The following CNTNAP2 variants were observed in gnomAD, a reference collection of about 807,000 sequenced individuals.
CNTNAP2 encodes the protein contactin associated protein 2.
In CNTNAP2, 98 loss-of-function variants were observed where a neutral mutation model predicts 155.2. That is an observed-to-expected ratio of 0.63 (90% CI 0.54 to 0.75). The LOEUF (loss-of-function observed/expected upper bound fraction) is 0.75. Ranked by LOEUF, CNTNAP2 falls within the 30% of genes least tolerant of loss-of-function variation. The pLI is 0.00. For missense variants in CNTNAP2, 1,727 were observed against 1,688.1 expected, an observed-to-expected ratio of 1.02 and a Z score of -0.40; for synonymous variants, 651 against 631.2, an observed-to-expected ratio of 1.03 and a Z score of -0.47.
chr7:148,072,320 C>A (rs1048238083), intron 15 of CNTNAP2, among the ~76,000 whole-genome samples: 5 of 152,076 alleles, frequency 3.3e-5, no homozygotes, highest in African/African-American at 1.2e-4. Context: ...TGTAAAGGAC[C>A]AGATAGTATT....
At chr7:146,893,905 G>A (rs1795826440) in intron 3 of CNTNAP2, among the ~76,000 whole-genome samples, 1 of 152,192 alleles carries the variant, frequency 6.6e-6, no homozygotes, top group Admixed American at 6.5e-5. Flanking sequence ...TGCCTCTTGT[G>A]GAAGATGGGT....
chr7:148,273,242 G>A (rs1796814564), intron 21 of CNTNAP2, among the ~76,000 whole-genome samples: 1 of 152,188 alleles, frequency 6.6e-6, no homozygotes, highest in South Asian at 2.1e-4. Flanking sequence ...AAGATTTGTG[G>A]TGGGAGTAAT....
chr7:146,738,935 T>C (rs755219922), intron 1 of CNTNAP2, among the ~76,000 whole-genome samples: 2 of 151,860 alleles, frequency 1.3e-5, no homozygotes, highest in Non-Finnish European at 2.9e-5. Flanking sequence ...GTGTATAATT[T>C]TTCATAATAG....
chr7:147,440,230 TTG>T (rs1313034566), intron 10 of CNTNAP2, among the ~76,000 whole-genome samples: 2 of 152,080 alleles, frequency 1.3e-5, no homozygotes, highest in Admixed American at 6.5e-5. Flanking sequence ...TGTGTATCTG[TTG>T]TGTGTTTTTT....
rs917898023 is a variant in CNTNAP2 at position 147,395,051 on chromosome 7, T to G, written c.1499-558T>G. 9.2e-5 allele frequency among the ~76,000 whole-genome samples: 14 copies of G among 151,962 alleles called. No individual in the cohort carries two copies. The East Asian group carries it at 2.7e-3, about 29-fold the overall frequency. ...TTTGCTTCTAATGTTCCCTTAGATT[T>G]TATAAATTAAAAAAAGGCATCTATA... On this transcript the variant is annotated intron_variant, in intron 9 of 23. Transcript: ENST00000361727.
At chr7:147,961,933 C>T (rs947562172) in intron 14 of CNTNAP2, among the ~76,000 whole-genome samples, 1 of 151,718 alleles carries the variant, frequency 6.6e-6, no homozygotes, top group Non-Finnish European at 1.5e-5. Context: ...GATTGCAATA[C>T]TAGGAAAGAA....
At chr7:146,277,896 G>C (rs556183422) in intron 1 of CNTNAP2, among the ~76,000 whole-genome samples, 1 of 151,996 alleles carries the variant, frequency 6.6e-6, no homozygotes, top group Non-Finnish European at 1.5e-5. Context: ...TGACTAATAA[G>C]AGATGAAAGG....
chr7:148,306,557 T>C (rs1026047762), intron 21 of CNTNAP2, among the ~76,000 whole-genome samples: 1 of 152,202 alleles, frequency 6.6e-6, no homozygotes, highest in Non-Finnish European at 1.5e-5. Context: ...TAAACTCTCA[T>C]TGAGTTTTTC....
chr7:146,601,960 A>G (rs1045741683), intron 1 of CNTNAP2, among the ~76,000 whole-genome samples: 1 of 152,168 alleles, frequency 6.6e-6, no homozygotes, highest in Non-Finnish European at 1.5e-5. Flanking sequence ...AAAAAAATAA[A>G]TAAATAAAGA....
At position 147,001,528 on chromosome 7, in the gene CNTNAP2, A is replaced by T. The variant is rs775705556; in HGVS notation, c.403-42379A>T. Among the ~76,000 whole-genome samples, 22 of 152,090 alleles carry T rather than the reference A, an allele frequency of 1.4e-4. 1 individual carries two copies. Among genetic ancestry groups the T allele is most frequent in the Non-Finnish European group, 3.2e-4 (22 of 67,990 alleles). On this transcript the variant is annotated intron_variant, in intron 3 of 23. Transcript: ENST00000361727. Reference sequence around the variant, plus strand: ...CATAATTGTGGCTTACCTATAAAGAAGGCTTGGTGCTGGGCATTTTCTTCT... The same window carrying T: ...CATAATTGTGGCTTACCTATAAAGATGGCTTGGTGCTGGGCATTTTCTTCT...
At chr7:148,168,005 GC>G (rs1405434206) in intron 17 of CNTNAP2, among the ~76,000 whole-genome samples, 6 of 152,158 alleles carry the variant, frequency 3.9e-5, no homozygotes, top group African/African-American at 1.4e-4. Flanking sequence ...TATTTGCTCT[GC>G]CAATTGACCC....
In CNTNAP2 at chr7:147,366,781, GCACACACACA is replaced by G. The variant is rs71182194; in HGVS notation, c.1499-28806_1499-28797del. 5.2e-3 allele frequency among the ~76,000 whole-genome samples: 554 copies of G among 105,962 alleles called. 4 individuals are homozygous for G. Among genetic ancestry groups the G allele is most frequent in the African/African-American group, 0.013 (477 of 37,474 alleles). The allele number at this position is 105,962 out of a possible 152,430, so 69.5% of individuals were successfully genotyped here. A position where few individuals can be genotyped will look rare whatever the true frequency, so the allele number is the denominator to read the frequency against. The stretch of plus-strand genomic sequence containing the variant: ...GTGATTTTTTACGAATTTGTTGCAC[GCACACACACA>G]CACACACACACACACACACACCCCA... On this transcript the variant is annotated intron_variant, in intron 9 of 23. Coordinates refer to ENST00000361727, the MANE Select transcript of CNTNAP2 (RefSeq NM_014141.6).
At chr7:148,035,749 A>G (rs973184677) in intron 15 of CNTNAP2, among the ~76,000 whole-genome samples, 4 of 152,178 alleles carry the variant, frequency 2.6e-5, no homozygotes, top group Admixed American at 2.0e-4. Context: ...CCCCAGACCT[A>G]TAGAGCTACT....
intron 20 of CNTNAP2, among the ~76,000 whole-genome samples, chr7:148,255,798 CAACA>C (rs1655560370): frequency 6.6e-6 from 1 of 152,178 alleles, no homozygotes; most frequent in African/African-American, 2.4e-5. Flanking sequence ...AGAAATTACA[CAACA>C]AAGAAAGATC....
Position 148,415,744 on chromosome 7 carries a change from CAATGGAATAT to C in CNTNAP2, c.*139_*148del, listed in dbSNP as rs1284906770. ...ATCAGCACAAGTTGGGGGAGGCAGG[CAATGGAATAT>C]AATGGAATATTCTTGAGACTGATCA... On this transcript the variant is annotated 3_prime_UTR_variant, in exon 24 of 24. Coordinates refer to ENST00000361727, the MANE Select transcript of CNTNAP2 (RefSeq NM_014141.6). The C allele has an allele frequency of 5.6e-5, 56 of 995,386 alleles. No individual in the cohort carries two copies. Among genetic ancestry groups the C allele is most frequent in the Non-Finnish European group, 7.8e-5 (51 of 652,296 alleles). 61.7% of individuals were successfully genotyped at this position (995,386 alleles called of 1,614,324 possible).
rs1037509349 is a variant in CNTNAP2 at position 147,063,743 on chromosome 7, C to G, written c.550+19689C>G. 3.9e-5 allele frequency among the ~76,000 whole-genome samples: 6 copies of G among 152,042 alleles called. No individual in the cohort carries two copies. The South Asian group carries it at 1.2e-3, about 32-fold the overall frequency. ...CTCAGCACACTTATGTCATAAAAAT[C>G]CTTGTCTAGTCACAGTTTTAATTTA... On this transcript the variant is annotated intron_variant, in intron 4 of 23. Coordinates refer to ENST00000361727, the MANE Select transcript of CNTNAP2 (RefSeq NM_014141.6).
chr7:148,099,660 C>T (rs1251029492), intron 15 of CNTNAP2, among the ~76,000 whole-genome samples: 1 of 151,992 alleles, frequency 6.6e-6, no homozygotes, highest in African/African-American at 2.4e-5. Flanking sequence ...TCCTCAAAAT[C>T]ACAGTCCAAT....
chr7:146,128,046 G>A (rs892903675), intron 1 of CNTNAP2, among the ~76,000 whole-genome samples: 5 of 152,102 alleles, frequency 3.3e-5, no homozygotes, highest in African/African-American at 1.2e-4. Context: ...CCATTTCAAA[G>A]TTGGCCAGTC....
chr7:146,732,510 A>G (rs1023467111), intron 1 of CNTNAP2, among the ~76,000 whole-genome samples: 1 of 152,062 alleles, frequency 6.6e-6, no homozygotes, highest in Non-Finnish European at 1.5e-5. Context: ...TGTGTTGTAT[A>G]TGATATTCTA....
Sources: gnomAD v4.1 joint callset for allele counts (sites outside exome capture counted in the v4.1 genomes callset) on GRCh38, gnomAD v4.1.1 for gene constraint, MANE v1.5 for transcripts, NCBI Gene and HGNC (gene_info 2026-07-23, HGNC 2026-07-21) for gene names.